SOX6: variants seen among roughly 807,000 people sequenced by gnomAD.
SOX6 encodes SRY-box transcription factor 6.
In SOX6, 11 loss-of-function variants were observed where a neutral mutation model predicts 97.8. The observed-to-expected ratio is 0.11, with a 90% CI of 0.07 to 0.19. The LOEUF is 0.19. SOX6 is among the 10% of genes least tolerant of loss of function. The pLI is 1.00. For missense variants in SOX6, 810 were observed against 1,039.5 expected (o/e 0.78, Z 3.04); for synonymous variants, 360 against 371.4 (o/e 0.97, Z 0.35).
chr11:16,699,495 A>G (rs1343268742), intron 3 of SOX6, among the ~76,000 whole-genome samples: 2 of 152,162 alleles, frequency 1.3e-5, no homozygotes, highest in Non-Finnish European at 2.9e-5. Flanking sequence ...TGAAGTTGCT[A>G]TCTCTGGAGT....
intron 1 of SOX6, among the ~76,000 whole-genome samples, chr11:16,403,832 A>C (rs981151995): frequency 1.3e-4 from 19 of 151,732 alleles, no homozygotes; most frequent in African/African-American, 4.6e-4. Flanking sequence ...CCACTTTTGA[A>C]CTTCTTTGGT....
chr11:16,425,062 T>C (rs1035172406), intron 1 of SOX6, among the ~76,000 whole-genome samples: 1 of 152,220 alleles, frequency 6.6e-6, no homozygotes, highest in Non-Finnish European at 1.5e-5. Context: ...AGAGGCTTCT[T>C]TTCCTCCTCC....
At chr11:16,055,931 TC>T in intron 9 of SOX6, 30 bp from the exon 10 acceptor site, 1 of 1,612,004 alleles carries the variant, frequency 6.2e-7, no homozygotes, top group Non-Finnish European at 8.5e-7. Context: ...AACATTGATC[TC>T]TTTAAATGCA....
chr11:16,138,547 T>A (rs572889062), intron 6 of SOX6, among the ~76,000 whole-genome samples: 28 of 152,148 alleles, frequency 1.8e-4, no homozygotes, highest in South Asian at 8.3e-4. Context: ...TTTTTTATTT[T>A]TTTTATTTTA....
chr11:16,444,293 G>A (rs1480839124), intron 1 of SOX6, among the ~76,000 whole-genome samples: 2 of 152,108 alleles, frequency 1.3e-5, no homozygotes, highest in Non-Finnish European at 2.9e-5. Context: ...GCAGAAGAAT[G>A]AATCTTTGTC....
chr11:16,419,310 T>C (rs1858984850), intron 1 of SOX6, among the ~76,000 whole-genome samples: 1 of 152,082 alleles, frequency 6.6e-6, no homozygotes, highest in Non-Finnish European at 1.5e-5. Flanking sequence ...TTGCATAGAG[T>C]TTAAATGAGT....
At chr11:16,058,567 A>C (rs1162587336) in intron 9 of SOX6, among the ~76,000 whole-genome samples, 1 of 152,094 alleles carries the variant, frequency 6.6e-6, no homozygotes, top group Non-Finnish European at 1.5e-5. Flanking sequence ...GAAATCACAA[A>C]TATCAATATC....
chr11:15,980,961 T>C (rs1029684308), intron 15 of SOX6, among the ~76,000 whole-genome samples: 6 of 139,378 alleles, frequency 4.3e-5, no homozygotes, highest in African/African-American at 1.5e-4. Flanking sequence ...CTGAAACTCA[T>C]GTGTACAGAA....
exon 4 of SOX6, chr11:16,612,148 T>G (rs1848405556): frequency 6.6e-6 from 1 of 152,470 alleles, no homozygotes; most frequent in Non-Finnish European, 1.5e-5. Flanking sequence ...AGGGCTGCAG[T>G]GAGAGCAGAA....
chr11:16,526,567 G>A (rs1429922818), intron 4 of SOX6, among the ~76,000 whole-genome samples: 2 of 151,754 alleles, frequency 1.3e-5, no homozygotes, highest in Non-Finnish European at 2.9e-5. Flanking sequence ...ACACCAGCAT[G>A]GCACATGTAT....
chr11:16,000,987 A>G (rs1221169266), intron 13 of SOX6, among the ~76,000 whole-genome samples: 3 of 151,514 alleles, frequency 2.0e-5, no homozygotes, highest in South Asian at 2.1e-4. Flanking sequence ...CTCCCGAGTA[A>G]CTGGAATTAC....
rs545152860 is a variant in SOX6, at chr11:16,451,305, C to T, written c.-5+25010G>A. Among the ~76,000 whole-genome samples the T allele has an allele frequency of 3.2e-4, 49 of 152,030 alleles. 1 individual carries two copies. Among genetic ancestry groups the T allele is most frequent in the South Asian group, 1.2e-3 (6 of 4,828 alleles). ...TTATAACTGAATATATAATTATTCT[C>T]CCATTTTTAATATAAGGGATCAAGA... On this transcript the variant is annotated intron_variant, in intron 1 of 15. Coordinates refer to the SOX6 transcript ENST00000396356.
intron 4 of SOX6, among the ~76,000 whole-genome samples, chr11:16,502,079 T>C (rs1590225520): frequency 6.6e-6 from 1 of 152,084 alleles, no homozygotes; most frequent in Non-Finnish European, 1.5e-5. Context: ...CCAACAATGA[T>C]AGACTGGATT....
At chr11:16,212,852 T>C (rs1852267071) in intron 4 of SOX6, among the ~76,000 whole-genome samples, 1 of 152,202 alleles carries the variant, frequency 6.6e-6, no homozygotes, top group Non-Finnish European at 1.5e-5. Flanking sequence ...TTGAGCAAGT[T>C]TGAATCTCAC....
chr11:16,344,809 TG>T (rs1292757314), intron 1 of SOX6, among the ~76,000 whole-genome samples: 1 of 151,948 alleles, frequency 6.6e-6, no homozygotes, highest in Non-Finnish European at 1.5e-5. Context: ...TCAAATGAAT[TG>T]TTTTTTTAAT....
intron 4 of SOX6, among the ~76,000 whole-genome samples, chr11:16,486,274 G>T (rs1860432198): frequency 6.6e-6 from 1 of 151,766 alleles, no homozygotes; most frequent in South Asian, 2.1e-4. Context: ...TTTGGCAGTG[G>T]GTAAAAAAGA....
In SOX6 at chr11:16,341,017, T is replaced by G. The variant is rs1205696272; in HGVS notation, c.232A>C (p.Arg78=). Residue 78 remains arginine, a synonymous_variant, in exon 2 of 16, where the codon AGA becomes CGA. Coordinates refer to ENST00000683767, the MANE Select transcript of SOX6 (RefSeq NM_001367873.1). ...GTCAGATTTTAAAGGCTCACCATTC[T>G]TTGCTGAGATGACAGAACGCTGTCC... ...DWDSVLSSQQ[R]MESENNKLCS... is the part of the protein sequence containing the mutation. The G allele has an allele frequency of 1.2e-6, 2 of 1,613,324 alleles. No homozygotes were observed. Among genetic ancestry groups the G allele is most frequent in the Non-Finnish European group, 1.7e-6 (2 of 1,179,436 alleles).
intron 6 of SOX6, among the ~76,000 whole-genome samples, chr11:16,146,573 G>A (rs1850304061): frequency 6.6e-6 from 1 of 152,070 alleles, no homozygotes; most frequent in Admixed American, 6.6e-5. Context: ...GCAACCTACA[G>A]AATGGGAGAA....
chr11:16,594,933 C>T (rs1848194778), intron 4 of SOX6, among the ~76,000 whole-genome samples: 1 of 151,900 alleles, frequency 6.6e-6, no homozygotes, highest in South Asian at 2.1e-4. Flanking sequence ...CCTTGTGATC[C>T]GCCCCCCTCG....
Sources: gnomAD v4.1 joint callset for allele counts (sites outside exome capture counted in the v4.1 genomes callset) on GRCh38, gnomAD v4.1.1 for gene constraint, MANE v1.5 for transcripts, NCBI Gene and HGNC (gene_info 2026-07-23, HGNC 2026-07-21) for gene names.